SH3GL2: variants seen among roughly 807,000 people sequenced by gnomAD.
SH3GL2 encodes endophilin-A1.
SH3GL2 carries 24 observed loss-of-function variants against 46.0 expected under a neutral mutation model. The ratio of observed to expected loss-of-function variants is 0.52; its 90% CI spans 0.38 to 0.73. The LOEUF (loss-of-function observed/expected upper bound fraction) is 0.73, where lower values mean the gene tolerates loss of function less well. Among genes scored for constraint, SH3GL2 ranks in the 30% least tolerant of loss-of-function variants. SH3GL2 has a pLI of 0.00. For missense variants in SH3GL2, 413 were observed against 424.2 expected (o/e 0.97, Z 0.23); for synonymous variants, 196 against 147.1 (o/e 1.33, Z -2.40).
chr9:17,679,535 C>T lies in SH3GL2; in HGVS notation c.46-67531C>T, dbSNP rs540114946. Among the ~76,000 whole-genome samples, 50 of 152,204 alleles carry T rather than the reference C, an allele frequency of 3.3e-4. No homozygotes were observed. In the South Asian group the frequency reaches 4.4e-3, roughly 13 times the overall value. ...AGCTTAAGGAGATTTTGGGCTGAGG[C>T]GATGGGGTTTTCTAGATATACAATC... On this transcript the variant is annotated intron_variant, in intron 1 of 8. Coordinates refer to ENST00000380607, the MANE Select transcript of SH3GL2 (RefSeq NM_003026.5).
At chr9:17,752,816 G>A (rs1478900046) in intron 2 of SH3GL2, among the ~76,000 whole-genome samples, 2 of 152,180 alleles carry the variant, frequency 1.3e-5, no homozygotes, top group East Asian at 3.9e-4. Context: ...CAGGTATTAA[G>A]CCTAGTACTC....
chr9:17,769,905 A>T (rs1399085249), intron 3 of SH3GL2, among the ~76,000 whole-genome samples: 1 of 152,208 alleles, frequency 6.6e-6, no homozygotes, highest in African/African-American at 2.4e-5. Context: ...TATTGTAAAC[A>T]TAGTCATTGA....
chr9:17,762,398 TCAAAA>T (rs1198935437), intron 3 of SH3GL2, among the ~76,000 whole-genome samples: 2 of 139,490 alleles, frequency 1.4e-5, no homozygotes, highest in African/African-American at 2.7e-5. Context: ...GGACAAGTGA[TCAAAA>T]AAAAAAAAAA....
In SH3GL2 at chr9:17,620,418, A is replaced by C. The variant is rs141616927; in HGVS notation, c.45+41131A>C. 2.3e-3 allele frequency among the ~76,000 whole-genome samples: 357 copies of C among 152,302 alleles called. 1 individual carries two copies. Among genetic ancestry groups the C allele is most frequent in the Non-Finnish European group, 3.3e-3 (224 of 68,038 alleles). On this transcript the variant is annotated intron_variant, in intron 1 of 8. Coordinates refer to ENST00000380607, the MANE Select transcript of SH3GL2 (RefSeq NM_003026.5). ...TTTAACAGCTTACGCATGTTACTTA[A>C]TTTATTACTCCCAACAACCCTATGA...
chr9:17,603,860 C>T (rs1050501705), intron 1 of SH3GL2, among the ~76,000 whole-genome samples: 3 of 151,862 alleles, frequency 2.0e-5, no homozygotes, highest in African/African-American at 7.3e-5. Context: ...AGCGAAACTC[C>T]GTGTCAAAAA....
At chr9:17,772,278 T>C (rs1823506673) in intron 3 of SH3GL2, among the ~76,000 whole-genome samples, 1 of 152,234 alleles carries the variant, frequency 6.6e-6, no homozygotes, top group Admixed American at 6.5e-5. Flanking sequence ...GTAATCTCTA[T>C]ATTAGACTTC....
chr9:17,626,325 G>A (rs891453204), intron 1 of SH3GL2, among the ~76,000 whole-genome samples: 7 of 152,196 alleles, frequency 4.6e-5, no homozygotes, highest in African/African-American at 1.4e-4. Context: ...CGGGGGACAG[G>A]GACCTTTGTG....
chr9:17,697,416 G>T (rs1040734959), intron 1 of SH3GL2, among the ~76,000 whole-genome samples: 1 of 96,606 alleles, frequency 1.0e-5, no homozygotes, highest in African/African-American at 2.8e-5. Flanking sequence ...TAGAGACAGG[G>T]TTTCACCATG....
intron 3 of SH3GL2, among the ~76,000 whole-genome samples, chr9:17,773,124 G>A (rs1823538396): frequency 6.6e-6 from 1 of 152,038 alleles, no homozygotes. Flanking sequence ...TTAGCCATTT[G>A]TATGTCTTCT....
intron 1 of SH3GL2, among the ~76,000 whole-genome samples, chr9:17,664,683 A>G (rs1460484461): frequency 2.0e-5 from 3 of 151,398 alleles, no homozygotes; most frequent in Non-Finnish European, 2.9e-5. Context: ...ATAGAAGTAT[A>G]TAGAAATATT....
At chr9:17,746,730 A>G (rs1480760984) in intron 1 of SH3GL2, among the ~76,000 whole-genome samples, 1 of 152,218 alleles carries the variant, frequency 6.6e-6, no homozygotes, top group African/African-American at 2.4e-5. Context: ...GGAAATGATT[A>G]TTGTATGATG....
At chr9:17,783,013 A>G (rs9406728) in intron 3 of SH3GL2, among the ~76,000 whole-genome samples, 2 of 152,106 alleles carry the variant, frequency 1.3e-5, no homozygotes, top group Admixed American at 1.3e-4. Flanking sequence ...TGTGCAACCA[A>G]GTTGTCAGTA....
intron 1 of SH3GL2, among the ~76,000 whole-genome samples, chr9:17,673,242 G>A (rs887057044): frequency 6.6e-6 from 1 of 151,876 alleles, no homozygotes; most frequent in Non-Finnish European, 1.5e-5. Context: ...TTGACCTCCT[G>A]GGCTCAAGCA....
At chr9:17,585,570 G>T (rs769101181) in intron 1 of SH3GL2, among the ~76,000 whole-genome samples, 10 of 152,152 alleles carry the variant, frequency 6.6e-5, no homozygotes, top group African/African-American at 2.4e-4. Context: ...GGGGACACGT[G>T]GGGTGGAGGT....
At chr9:17,622,411 A>T (rs1278322150) in intron 1 of SH3GL2, among the ~76,000 whole-genome samples, 1 of 152,118 alleles carries the variant, frequency 6.6e-6, no homozygotes, top group Admixed American at 6.6e-5. Context: ...AAGGGGGAGG[A>T]TCTCTTAAGA....
At chr9:17,659,377 G>C (rs1252020347) in intron 1 of SH3GL2, among the ~76,000 whole-genome samples, 4 of 152,156 alleles carry the variant, frequency 2.6e-5, no homozygotes, top group Non-Finnish European at 5.9e-5. Context: ...AGCCATTCCT[G>C]AGAATGGCTC....
intron 1 of SH3GL2, among the ~76,000 whole-genome samples, chr9:17,635,527 C>G (rs1255989029): frequency 6.6e-6 from 1 of 152,190 alleles, no homozygotes; most frequent in African/African-American, 2.4e-5. Context: ...TGGGTTTGAA[C>G]TGCTTTATCT....
At chr9:17,666,515 CT>C (rs1258734829) in intron 1 of SH3GL2, among the ~76,000 whole-genome samples, 2 of 149,588 alleles carry the variant, frequency 1.3e-5, no homozygotes, top group Non-Finnish European at 3.0e-5. Context: ...CATGTGTTTT[CT>C]TTTCCCACTC....
intron 1 of SH3GL2, among the ~76,000 whole-genome samples, chr9:17,586,512 C>T (rs1197134754): frequency 6.6e-6 from 1 of 152,074 alleles, no homozygotes; most frequent in Non-Finnish European, 1.5e-5. Context: ...TCTCATGTTG[C>T]TAATAAAGGC....
Sources: gnomAD v4.1 joint callset for allele counts (sites outside exome capture counted in the v4.1 genomes callset) on GRCh38, gnomAD v4.1.1 for gene constraint, MANE v1.5 for transcripts, NCBI Gene and HGNC (gene_info 2026-07-23, HGNC 2026-07-21) for gene names.